LPAR3: variants seen among roughly 807,000 people sequenced by gnomAD.
The protein encoded by LPAR3 is LPA receptor 3.
Under a neutral mutation model 17.8 loss-of-function variants are expected in LPAR3, and 7 were observed. The ratio of observed to expected loss-of-function variants is 0.39; its 90% confidence interval spans 0.22 to 0.74. The LOEUF (loss-of-function observed/expected upper bound fraction) is 0.74, where lower values mean the gene tolerates loss of function less well. Ranked by LOEUF, LPAR3 falls within the 30% of genes least tolerant of loss-of-function variation. The pLI, the probability that LPAR3 is intolerant of heterozygous loss-of-function variation, is 0.40. For missense variants in LPAR3, 391 were observed against 453.4 expected (o/e 0.86, Z 1.25); for synonymous variants, 179 against 179.9 (o/e 0.99, Z 0.04).
chr1:84,873,585 G>C (rs1441675472), intron 1 of LPAR3, among the ~76,000 whole-genome samples: 1 of 152,094 alleles, frequency 6.6e-6, no homozygotes. Context: ...CTTGGATAAA[G>C]CGAATATGTT....
At position 84,878,577 on chromosome 1, in the gene LPAR3, AAAG is replaced by A. The variant is rs573724303; in HGVS notation, c.-18-12442_-18-12440del. Among the ~76,000 whole-genome samples, 23 of 152,274 alleles carry A rather than the reference AAAG, an allele frequency of 1.5e-4. No individual in the cohort carries two copies. The South Asian group carries it at 2.1e-3, about 14-fold the overall frequency. On this transcript the variant is annotated intron_variant, in intron 1 of 2. Coordinates refer to ENST00000370611, the MANE Select transcript of LPAR3 (RefSeq NM_012152.3). Reference sequence around the variant, plus strand: ...AGGAACCCAATGTGCCTTGGAGCTAAAAGAAGAAGAAAGGCACCATGAGGGCAG... The same window carrying A: ...AGGAACCCAATGTGCCTTGGAGCTAAAAGAAGAAAGGCACCATGAGGGCAG...
chr1:84,827,294 C>T (rs1479897343), intron 2 of LPAR3, among the ~76,000 whole-genome samples: 2 of 152,106 alleles, frequency 1.3e-5, no homozygotes, highest in Non-Finnish European at 2.9e-5. Context: ...CCCTTCTCTC[C>T]AAGAGCACAA....
At chr1:84,815,658 C>T (rs1658918887) in intron 2 of LPAR3, among the ~76,000 whole-genome samples, 1 of 152,166 alleles carries the variant, frequency 6.6e-6, no homozygotes, top group Non-Finnish European at 1.5e-5. Context: ...GGAATTACTT[C>T]ACTTTTCTCA....
chr1:84,892,659 TGA>T (rs1174352505), intron 1 of LPAR3, among the ~76,000 whole-genome samples: 1 of 152,208 alleles, frequency 6.6e-6, no homozygotes, highest in Non-Finnish European at 1.5e-5. Flanking sequence ...GCAATGAGAC[TGA>T]GTTTGGAAAG....
chr1:84,817,326 T>C (rs182538908), intron 2 of LPAR3, among the ~76,000 whole-genome samples: 7 of 151,462 alleles, frequency 4.6e-5, no homozygotes, highest in Admixed American at 6.6e-5. Context: ...AGTTACCTGT[T>C]TGAATGTTCC....
intron 1 of LPAR3, among the ~76,000 whole-genome samples, chr1:84,888,211 G>A (rs1160802335): frequency 6.6e-6 from 1 of 151,800 alleles, no homozygotes; most frequent in Admixed American, 6.6e-5. Context: ...GAAGGAGGGA[G>A]GGAGAGAGAG....
At chr1:84,824,077 G>C (rs1372337041) in intron 2 of LPAR3, among the ~76,000 whole-genome samples, 1 of 152,206 alleles carries the variant, frequency 6.6e-6, no homozygotes, top group Non-Finnish European at 1.5e-5. Context: ...GAATGTATAA[G>C]AGATGTCTCT....
chr1:84,820,852 T>G lies in LPAR3; in HGVS notation c.737-6681A>C, dbSNP rs914402713. 2.1e-4 allele frequency among the ~76,000 whole-genome samples: 32 copies of G among 152,124 alleles called. 1 individual carries two copies. The highest frequency in any genetic ancestry group is 7.7e-4 in the African/African-American group (32 of 41,410). ...TTCATAAAGGAACCCCACTGAGAAT[T>G]GCTAGATCAAAGTTTTTCCAGACAC... On this transcript the variant is annotated intron_variant, in intron 2 of 2. Transcript: ENST00000370611.
rs532390291 is a variant in LPAR3 at position 84,882,164 on chromosome 1, A to G, written c.-19+10852T>C. 7.9e-5 allele frequency among the ~76,000 whole-genome samples: 12 copies of G among 152,368 alleles called. 1 individual carries two copies. Among genetic ancestry groups the G allele is most frequent in the African/African-American group, 2.9e-4 (12 of 41,582 alleles). ...CAGGATACAAAATGCACATACAAAA[A>G]TCAGTTGCATTTATTTCTATGCACT... is the stretch of plus-strand genomic sequence containing the variant. On this transcript the variant is annotated intron_variant, in intron 1 of 2. Coordinates refer to ENST00000370611, the MANE Select transcript of LPAR3 (RefSeq NM_012152.3).
chr1:84,866,266 T>G (rs1467883084), intron 1 of LPAR3, 128 bp from the exon 2 acceptor site: 1 of 675,948 alleles, frequency 1.5e-6, no homozygotes, highest in African/African-American at 1.8e-5. Context: ...GTGTCAGGTC[T>G]CAGTGCAAAT....
intron 2 of LPAR3, among the ~76,000 whole-genome samples, chr1:84,848,779 C>T (rs1193689888): frequency 6.6e-6 from 1 of 152,148 alleles, no homozygotes; most frequent in Non-Finnish European, 1.5e-5. Context: ...CCAGTCCCAG[C>T]AGAAGGCACA....
chr1:84,820,787 A>C lies in LPAR3; in HGVS notation c.737-6616T>G, dbSNP rs536833406. On this transcript the variant is annotated intron_variant, in intron 2 of 2. Coordinates refer to ENST00000370611, the MANE Select transcript of LPAR3 (RefSeq NM_012152.3). The stretch of plus-strand genomic sequence containing the variant: ...TCTAGAATGGTGTGAGTTATGTACC[A>C]CCCTTGAAAAGATTAAGAAAATCTT... 2.6e-5 allele frequency among the ~76,000 whole-genome samples: 4 copies of C among 152,246 alleles called. 1 individual carries two copies. In the East Asian group the frequency reaches 5.8e-4, roughly 22 times the overall value.
intron 2 of LPAR3, among the ~76,000 whole-genome samples, chr1:84,845,705 A>T (rs112441203): frequency 8.5e-5 from 13 of 152,296 alleles, no homozygotes; most frequent in African/African-American, 3.1e-4. Flanking sequence ...GTTTAGGAAA[A>T]CCTCTCCAGA....
intron 2 of LPAR3, among the ~76,000 whole-genome samples, chr1:84,833,478 C>A (rs1659332608): frequency 6.6e-6 from 1 of 152,158 alleles, no homozygotes; most frequent in Non-Finnish European, 1.5e-5. Flanking sequence ...TGGATATAAG[C>A]CCTCCAGCAT....
intron 2 of LPAR3, among the ~76,000 whole-genome samples, chr1:84,835,810 C>G (rs1291956018): frequency 6.6e-6 from 1 of 152,102 alleles, no homozygotes; most frequent in Non-Finnish European, 1.5e-5. Context: ...CCTAACTGTT[C>G]TAGCACCCTG....
intron 1 of LPAR3, among the ~76,000 whole-genome samples, chr1:84,884,483 T>C (rs943717401): frequency 3.3e-5 from 5 of 152,208 alleles, no homozygotes; most frequent in African/African-American, 1.2e-4. Context: ...CTTAGAGTTT[T>C]TGGTAAGAGT....
At position 84,812,944 on chromosome 1, in the gene LPAR3, T is replaced by G. The variant is rs1049497679; in HGVS notation, c.*902A>C. On this transcript the variant is annotated 3_prime_UTR_variant, in exon 3 of 3. Coordinates refer to ENST00000370611, the MANE Select transcript of LPAR3 (RefSeq NM_012152.3). ...TAAACCCTTTACTAGCTCTCCACTG[T>G]TTTTCACCATCATGAGGGAAAATGA... is the stretch of plus-strand genomic sequence containing the variant. The G allele has an allele frequency of 6.6e-6, 1 of 151,676 alleles. No individual in the cohort carries two copies. The allele number at this position is 151,676 out of a possible 1,614,324, so 9.4% of individuals were successfully genotyped here.
rs1453822177 is a variant in LPAR3 at position 84,865,728 on chromosome 1, G to C, written c.393C>G (p.Ile131Met). Residue 131 changes from isoleucine (I) to methionine (M), a missense_variant, in exon 2 of 3, where the codon ATC (isoleucine) becomes ATG (methionine). Ile to Met is a conservative substitution (Grantham distance 10). Coordinates refer to ENST00000370611, the MANE Select transcript of LPAR3 (RefSeq NM_012152.3). ...GGTTGCTATGGACCCGCATCCTCAT[G>C]ATTGACATGTGCCTCTCCACGGCGA... ...LVIAVERHMS[I>M]MRMRVHSNLT... 2 of 1,614,198 alleles carry C rather than the reference G, an allele frequency of 1.2e-6. No individual in the cohort carries two copies. The highest frequency in any genetic ancestry group is 2.2e-5 in the East Asian group (1 of 44,884).
chr1:84,891,194 T>C (rs756562386), intron 1 of LPAR3, among the ~76,000 whole-genome samples: 9 of 150,826 alleles, frequency 6.0e-5, no homozygotes, highest in Non-Finnish European at 1.2e-4. Context: ...ATAAATGCAA[T>C]TGAAAGGTTT....
Sources: gnomAD v4.1 joint callset for allele counts (sites outside exome capture counted in the v4.1 genomes callset) on GRCh38, gnomAD v4.1.1 for gene constraint, MANE v1.5 for transcripts, NCBI Gene and HGNC (gene_info 2026-07-23, HGNC 2026-07-21) for gene names.